The following KDM3B variants were observed in gnomAD, a reference collection of about 807,000 sequenced individuals.
KDM3B encodes lysine demethylase 3B.
In KDM3B, 10 loss-of-function variants were observed where a neutral mutation model predicts 170.0. The observed-to-expected ratio is 0.06, with a 90% CI of 0.04 to 0.10. The LOEUF (loss-of-function observed/expected upper bound fraction) is 0.10. Ranked by LOEUF, KDM3B falls within the 10% of genes least tolerant of loss-of-function variation. The pLI, the probability that KDM3B is intolerant of heterozygous loss-of-function variation, is 1.00. For synonymous variants in KDM3B, 831 were observed against 834.8 expected (o/e 1.00, Z 0.08); for missense variants, 1,394 against 2,195.2 (o/e 0.64, Z 7.29).
chr5:138,409,425 G>A (rs1762904656), intron 11 of KDM3B, among the ~76,000 whole-genome samples: 1 of 152,142 alleles, frequency 6.6e-6, no homozygotes, highest in South Asian at 2.1e-4. Context: ...GAAATGTAAT[G>A]GGAGGTTGAA....
chr5:138,418,075 G>GT (rs34275336), intron 13 of KDM3B: 39,711 of 96,586 alleles, frequency 0.41, 9,291 homozygotes, highest in East Asian at 0.79. Flanking sequence ...TTTGGTTTTG[G>GT]TTTTTTTTTT....
Position 138,433,112 on chromosome 5 carries a change from T to G in KDM3B, c.5205+1553T>G, listed in dbSNP as rs867307906. On this transcript the variant is annotated intron_variant, in intron 23 of 23. Transcript: ENST00000314358. Reference sequence around the variant, plus strand: ...ACTCTGAGTCTGATGCACTTTTCCTTTCTTTTTTTTTTTTTTTGAGACAGA... The same window carrying G: ...ACTCTGAGTCTGATGCACTTTTCCTGTCTTTTTTTTTTTTTTTGAGACAGA... Among the ~76,000 whole-genome samples the G allele has an allele frequency of 4.0e-4, 60 of 150,588 alleles. 1 individual carries two copies. Among genetic ancestry groups the G allele is most frequent in the African/African-American group, 1.5e-3 (60 of 41,014 alleles).
chr5:138,383,034 T>C (rs1397156626), intron 6 of KDM3B, among the ~76,000 whole-genome samples: 1 of 152,238 alleles, frequency 6.6e-6, no homozygotes. Flanking sequence ...TAGCTCACTG[T>C]AAGTAGGACT....
intron 1 of KDM3B, among the ~76,000 whole-genome samples, chr5:138,364,752 G>A (rs1289656511): frequency 1.3e-5 from 2 of 152,230 alleles, no homozygotes; most frequent in African/African-American, 4.8e-5. Flanking sequence ...GGCAAAGGAA[G>A]TGAGGCTCAA....
intron 5 of KDM3B, 21 bp downstream of exon 5, chr5:138,379,729 G>T: frequency 6.2e-7 from 1 of 1,602,520 alleles, no homozygotes; most frequent in East Asian, 2.3e-5. Context: ...GTGTTATTCT[G>T]TCTAAGGTCC....
Position 138,427,251 on chromosome 5 carries a change from A to G in KDM3B, c.4565A>G (p.Asn1522Ser), listed in dbSNP as rs771394659. 1 of 1,614,140 alleles carries G rather than the reference A, an allele frequency of 6.2e-7. No homozygotes were observed. Among genetic ancestry groups the G allele is most frequent in the African/African-American group, 1.3e-5 (1 of 75,052 alleles). Residue 1522 changes from asparagine (N) to serine (S), a missense_variant, in exon 19 of 24, where the codon AAT (asparagine) becomes AGT (serine). By Grantham distance (46) the Asn-to-Ser change is conservative (BLOSUM62 1). Coordinates refer to ENST00000314358, the MANE Select transcript of KDM3B (RefSeq NM_016604.4). The part of the protein sequence containing the change: ...PEYTKRDGRL[N>S]LASRLPSYFV... ...TATACCAAACGAGATGGCAGGCTCA[A>G]TCTGGCCTCTAGGCTACCTAGCTAC...
At position 138,357,331 on chromosome 5, in the gene KDM3B, C is replaced by A. The variant is rs965862321; in HGVS notation, c.192+4344C>A. Reference sequence around the variant, plus strand: ...GGATTACTTGACTGGGAAGGAATCCCCATCTTGAACCTATATAAATATACT... The same window carrying A: ...GGATTACTTGACTGGGAAGGAATCCACATCTTGAACCTATATAAATATACT... On this transcript the variant is annotated intron_variant, in intron 1 of 23. Transcript: ENST00000314358. Among the ~76,000 whole-genome samples the A allele has an allele frequency of 6.6e-5, 10 of 152,086 alleles. No homozygotes were observed. The East Asian group carries it at 1.9e-3, about 29-fold the overall frequency.
chr5:138,391,689 T>C lies in KDM3B; in HGVS notation c.2057T>C (p.Leu686Ser), dbSNP rs778541644. 8 of 1,614,066 alleles carry C rather than the reference T, an allele frequency of 5.0e-6. No homozygotes were observed. In the South Asian group the frequency reaches 8.8e-5, roughly 18 times the overall value. Residue 686 changes from leucine (L) to serine (S), a missense_variant, in exon 8 of 24, where the codon TTA becomes TCA. By Grantham distance (145) the Leu-to-Ser change is moderately radical (BLOSUM62 -2). Around this residue, in one of 19 missense-constraint regions of KDM3B, gnomAD observed 294 missense variants for 311.7 expected, o/e 0.94. Coordinates refer to ENST00000314358, the MANE Select transcript of KDM3B (RefSeq NM_016604.4). The surrounding 1 kb of genome is among the most constrained non-coding windows in gnomAD (Gnocchi z 5.0). ...ESHSSADSASLAKKKPLFITT... is the reference protein window; with the variant it reads ...ESHSSADSASSAKKKPLFITT... ...CACTCCTCTGCAGATTCGGCATCTT[T>C]AGCAAAGAAGAAACCCCTCTTCATT...
At chr5:138,431,665 T>A (rs112509315) in intron 23 of KDM3B, 106 bp downstream of exon 23, 2 of 1,033,884 alleles carry the variant, frequency 1.9e-6, no homozygotes, top group Admixed American at 5.8e-5. Flanking sequence ...GAAGGTCTAA[T>A]TGTGGAGGAG....
At chr5:138,424,841 T>C (rs1271172733) in intron 16 of KDM3B, among the ~76,000 whole-genome samples, 1 of 152,214 alleles carries the variant, frequency 6.6e-6, no homozygotes, top group African/African-American at 2.4e-5. Context: ...CTTTGCATCC[T>C]CTTGTTTCTA....
At chr5:138,427,901 G>T in intron 19 of KDM3B, 66 bp from the exon 20 acceptor site, 1 of 1,481,876 alleles carries the variant, frequency 6.7e-7, no homozygotes, top group Non-Finnish European at 9.3e-7. Flanking sequence ...GTTTTCAGAT[G>T]TAGTGTCGAC....
chr5:138,398,725 T>G (rs1246998019), intron 10 of KDM3B, among the ~76,000 whole-genome samples: 1 of 152,098 alleles, frequency 6.6e-6, no homozygotes, highest in East Asian at 1.9e-4. Flanking sequence ...TTTGTATTAA[T>G]AAGCTCTGTG....
At chr5:138,435,504 G>C in intron 23 of KDM3B, 116 bp from the exon 24 acceptor site, 1 of 727,626 alleles carries the variant, frequency 1.4e-6, no homozygotes, top group Non-Finnish European at 2.4e-6. Context: ...GATTGATACA[G>C]GAACGCACAG....
chr5:138,419,517 A>T, intron 14 of KDM3B, among the ~76,000 whole-genome samples: 1 of 150,844 alleles, frequency 6.6e-6, no homozygotes, highest in Non-Finnish European at 1.5e-5. Flanking sequence ...TAGCTGGGCG[A>T]GGTGGCGGGT....
At chr5:138,388,368 C>T (rs1320771309) in intron 7 of KDM3B, among the ~76,000 whole-genome samples, 4 of 152,050 alleles carry the variant, frequency 2.6e-5, no homozygotes, top group Non-Finnish European at 4.4e-5. Context: ...TAGTACAGCT[C>T]ATGCCTGTAA....
intron 11 of KDM3B, among the ~76,000 whole-genome samples, chr5:138,410,911 AGGT>A (rs1290454377): frequency 6.6e-6 from 1 of 152,228 alleles, no homozygotes; most frequent in Non-Finnish European, 1.5e-5. Context: ...AGGCAGAGCC[AGGT>A]GTACAGGATG....
At chr5:138,381,798 A>C (rs1345311512) in intron 6 of KDM3B, 25 of 510,372 alleles carry the variant, frequency 4.9e-5, no homozygotes, top group Non-Finnish European at 8.4e-5. Context: ...CCTTTTAAGC[A>C]TGACTATGTT....
chr5:138,429,757 G>C (rs1763483968), intron 20 of KDM3B, 69 bp from the exon 21 acceptor site: 1 of 1,522,924 alleles, frequency 6.6e-7, no homozygotes, highest in South Asian at 1.2e-5. Flanking sequence ...ATTTAAATTG[G>C]ACATTTCATT....
chr5:138,397,495 G>A (rs1214704306), intron 9 of KDM3B, among the ~76,000 whole-genome samples: 2 of 151,504 alleles, frequency 1.3e-5, no homozygotes, highest in Non-Finnish European at 2.9e-5. Flanking sequence ...GTAACAGAAC[G>A]CAACTTTGTC....
Sources: gnomAD v4.1 joint callset for allele counts (sites outside exome capture counted in the v4.1 genomes callset) on GRCh38, gnomAD v4.1.1 for gene constraint, gnomAD v4.1.1 regional missense constraint, Gnocchi (gnomAD v3.1) non-coding constraint, MANE v1.5 for transcripts, NCBI Gene and HGNC (gene_info 2026-07-23, HGNC 2026-07-21) for gene names.